CNTN4: variants seen among roughly 807,000 people sequenced by gnomAD.
The protein encoded by CNTN4 is contactin 4.
A neutral mutation model predicts 122.5 loss-of-function variants in CNTN4; 77 were observed. That is an observed-to-expected ratio of 0.63 (90% confidence interval 0.52 to 0.76). The LOEUF (loss-of-function observed/expected upper bound fraction) is 0.76, where lower values mean the gene tolerates loss of function less well. Among genes scored for constraint, CNTN4 ranks in the 30% least tolerant of loss-of-function variants. The pLI is 0.00. For synonymous variants in CNTN4, 512 were observed against 447.0 expected, an observed-to-expected ratio of 1.15 and a Z score of -1.83; for missense variants, 1,256 against 1,259.1, an observed-to-expected ratio of 1.00 and a Z score of 0.04.
At chr3:2,999,552 G>A (rs970759018) in intron 14 of CNTN4, among the ~76,000 whole-genome samples, 1 of 152,142 alleles carries the variant, frequency 6.6e-6, no homozygotes, top group Non-Finnish European at 1.5e-5. Flanking sequence ...GGGGCCAATT[G>A]TCAGTTCCTA....
chr3:2,227,538 A>G (rs2039333307), intron 2 of CNTN4, among the ~76,000 whole-genome samples: 1 of 152,132 alleles, frequency 6.6e-6, no homozygotes. Context: ...TTATGCCTTG[A>G]CCTTTTGACC....
At chr3:2,294,592 C>G (rs2042240768) in intron 2 of CNTN4, among the ~76,000 whole-genome samples, 2 of 152,184 alleles carry the variant, frequency 1.3e-5, no homozygotes, top group Non-Finnish European at 2.9e-5. Context: ...GATCGTGCCA[C>G]TGCACCACAG....
intron 12 of CNTN4, among the ~76,000 whole-genome samples, chr3:2,923,218 G>A (rs1163003481): frequency 1.3e-5 from 2 of 151,978 alleles, no homozygotes; most frequent in Admixed American, 1.3e-4. Flanking sequence ...AATTATATGT[G>A]TAGAAAGATA....
intron 2 of CNTN4, among the ~76,000 whole-genome samples, chr3:2,237,051 C>A (rs1403234854): frequency 6.6e-6 from 1 of 152,038 alleles, no homozygotes; most frequent in Non-Finnish European, 1.5e-5. Flanking sequence ...CCAGACAGTG[C>A]AGGGATTTGT....
Position 2,582,157 on chromosome 3 carries a change from A to G in CNTN4, c.55+10599A>G, listed in dbSNP as rs927823165. Among the ~76,000 whole-genome samples, 20 of 152,234 alleles carry G rather than the reference A, an allele frequency of 1.3e-4. 1 individual carries two copies. Among genetic ancestry groups the G allele is most frequent in the African/African-American group, 3.6e-4 (15 of 41,452 alleles). On this transcript the variant is annotated intron_variant, in intron 4 of 24. Coordinates refer to ENST00000418658, the MANE Select transcript of CNTN4 (RefSeq NM_175607.3). ...CTGAATTGTATGATGTGTGAATTAT[A>G]TCTCCATAAAAACAATTAAATATTC...
At chr3:2,317,203 C>G (rs1251981301) in intron 2 of CNTN4, among the ~76,000 whole-genome samples, 1 of 152,216 alleles carries the variant, frequency 6.6e-6, no homozygotes, top group Non-Finnish European at 1.5e-5. Flanking sequence ...CCCGCTGAAT[C>G]TAGACCTGAT....
intron 2 of CNTN4, among the ~76,000 whole-genome samples, chr3:2,191,083 A>G (rs1007307129): frequency 1.3e-5 from 2 of 151,698 alleles, no homozygotes; most frequent in African/African-American, 2.4e-5. Flanking sequence ...GGCATAATGT[A>G]TTTTTGTTTT....
At chr3:2,874,983 T>C (rs1172361261) in intron 8 of CNTN4, among the ~76,000 whole-genome samples, 1 of 152,068 alleles carries the variant, frequency 6.6e-6, no homozygotes, top group Non-Finnish European at 1.5e-5. Context: ...TCCGTTTGTT[T>C]TTGTTTGTTT....
At chr3:2,789,986 T>C (rs1169523930) in intron 6 of CNTN4, among the ~76,000 whole-genome samples, 1 of 152,192 alleles carries the variant, frequency 6.6e-6, no homozygotes, top group African/African-American at 2.4e-5. Flanking sequence ...GTACAATTAG[T>C]AATAATGATG....
At chr3:2,181,617 A>G (rs1443938770) in intron 2 of CNTN4, among the ~76,000 whole-genome samples, 1 of 152,132 alleles carries the variant, frequency 6.6e-6, no homozygotes, top group Non-Finnish European at 1.5e-5. Flanking sequence ...ATTACATTTT[A>G]AATACAAGGG....
intron 3 of CNTN4, among the ~76,000 whole-genome samples, chr3:2,391,897 G>A (rs919273029): frequency 6.6e-6 from 1 of 152,120 alleles, no homozygotes; most frequent in Non-Finnish European, 1.5e-5. Flanking sequence ...AAGCTTCTTC[G>A]AATAGGGGCT....
chr3:3,021,482 C>A (rs1698282273), intron 14 of CNTN4, among the ~76,000 whole-genome samples: 1 of 152,024 alleles, frequency 6.6e-6, no homozygotes, highest in Non-Finnish European at 1.5e-5. Context: ...TTGAAGAATC[C>A]CACTTTTAAA....
chr3:2,293,923 C>T (rs2042217465), intron 2 of CNTN4, among the ~76,000 whole-genome samples: 1 of 152,152 alleles, frequency 6.6e-6, no homozygotes, highest in Non-Finnish European at 1.5e-5. Flanking sequence ...GTGTACAATT[C>T]TGGAGGTCAG....
At chr3:2,107,002 C>G (rs2032502688) in intron 2 of CNTN4, among the ~76,000 whole-genome samples, 1 of 152,176 alleles carries the variant, frequency 6.6e-6, no homozygotes, top group African/African-American at 2.4e-5. Flanking sequence ...TCCATCTGAC[C>G]TGGACTTCAT....
At chr3:2,339,000 A>T (rs1324223167) in intron 2 of CNTN4, among the ~76,000 whole-genome samples, 178 bp from the exon 3 acceptor site, 10 of 152,172 alleles carry the variant, frequency 6.6e-5, no homozygotes, top group Admixed American at 6.5e-4. Context: ...CTGGATCCTA[A>T]TCTACACAAT....
chr3:2,945,026 G>C (rs1024731040), intron 13 of CNTN4, among the ~76,000 whole-genome samples: 1 of 152,060 alleles, frequency 6.6e-6, no homozygotes, highest in Non-Finnish European at 1.5e-5. Flanking sequence ...ACCTATAAGG[G>C]GTATAAGCTT....
chr3:2,106,008 A>C (rs914912050), intron 2 of CNTN4, among the ~76,000 whole-genome samples: 1 of 152,248 alleles, frequency 6.6e-6, no homozygotes, highest in African/African-American at 2.4e-5. Context: ...GTCTGAAACC[A>C]GGCGGGGCAG....
chr3:2,825,761 G>A (rs936771475), intron 7 of CNTN4, among the ~76,000 whole-genome samples: 46 of 152,160 alleles, frequency 3.0e-4, no homozygotes, highest in African/African-American at 9.7e-4. Flanking sequence ...TGTTATTGGT[G>A]AATGTATGGC....
intron 4 of CNTN4, among the ~76,000 whole-genome samples, chr3:2,685,446 TTCAGTTTAGGAGCTAGCACTGTCCC>T (rs1353975939): frequency 6.6e-6 from 1 of 152,146 alleles, no homozygotes; most frequent in African/African-American, 2.4e-5. Flanking sequence ...CTAGTTTTAT[TTCAGTTTAGGAGCTAGCACTGTCCC>T]ATACAATACA....
Sources: gnomAD v4.1 joint callset for allele counts (sites outside exome capture counted in the v4.1 genomes callset) on GRCh38, gnomAD v4.1.1 for gene constraint, MANE v1.5 for transcripts, NCBI Gene and HGNC (gene_info 2026-07-23, HGNC 2026-07-21) for gene names.